The following ADGRL2 variants were observed in gnomAD, a reference collection of about 807,000 sequenced individuals.
The protein encoded by ADGRL2 is calcium-independent alpha-latrotoxin receptor 2.
In ADGRL2, 44 loss-of-function variants were observed where a neutral mutation model predicts 157.4. The observed-to-expected ratio is 0.28, with a 90% CI of 0.22 to 0.36. The LOEUF (loss-of-function observed/expected upper bound fraction) is 0.36. Among genes scored for constraint, ADGRL2 ranks in the 10% least tolerant of loss-of-function variants. The pLI is 1.00. For synonymous variants in ADGRL2, 585 were observed against 624.7 expected (o/e 0.94, Z 0.95); for missense variants, 1,510 against 1,768.9 (o/e 0.85, Z 2.63).
chr1:81,839,116 G>C (rs1389028086), intron 2 of ADGRL2, among the ~76,000 whole-genome samples: 2 of 152,016 alleles, frequency 1.3e-5, no homozygotes, highest in Non-Finnish European at 2.9e-5. Context: ...GGCATAGGAA[G>C]GCAGATATGA....
chr1:81,764,081 A>G (rs2086015084), intron 2 of ADGRL2, among the ~76,000 whole-genome samples: 1 of 143,632 alleles, frequency 7.0e-6, no homozygotes, highest in Non-Finnish European at 1.5e-5. Context: ...AGTCCCAGCT[A>G]CTTAGGAGGC....
intron 2 of ADGRL2, among the ~76,000 whole-genome samples, chr1:81,874,015 A>C (rs2093765813): frequency 6.6e-6 from 1 of 152,138 alleles, no homozygotes. Context: ...TGTAATGTTT[A>C]GGGAGTTTTA....
intron 1 of ADGRL2, among the ~76,000 whole-genome samples, chr1:81,825,738 C>T (rs769479275): frequency 1.4e-5 from 2 of 139,922 alleles, no homozygotes; most frequent in Non-Finnish European, 3.2e-5. Context: ...CTTTTGGAGA[C>T]ATTTTAGAAA....
At chr1:81,883,675 A>G (rs1571899003) in intron 2 of ADGRL2, among the ~76,000 whole-genome samples, 1 of 151,946 alleles carries the variant, frequency 6.6e-6, no homozygotes, top group Non-Finnish European at 1.5e-5. Flanking sequence ...TCGTCTTCCT[A>G]TTATTAGTTC....
At chr1:81,382,195 T>C (rs145736126) in intron 1 of ADGRL2, among the ~76,000 whole-genome samples, 23 of 152,340 alleles carry the variant, frequency 1.5e-4, no homozygotes, top group Middle Eastern at 6.8e-3. Context: ...TGTTGTTCAC[T>C]AACAGTTAGC....
In ADGRL2 at chr1:81,487,108, A is replaced by AAAAT. The variant is rs537612028; in HGVS notation, c.-248+42020_-248+42021insAATA. On this transcript the variant is annotated intron_variant, in intron 2 of 24. Transcript: ENST00000370721. ...CATCTCTACAAAAAAAAAAAAAAAAAAGAAAGTAAATCAGCCAGGTGTGGT... is the reference window on the plus strand; with the variant it reads ...CATCTCTACAAAAAAAAAAAAAAAAAAAATAGAAAGTAAATCAGCCAGGTGTGGT... 8.8e-3 allele frequency among the ~76,000 whole-genome samples: 1,199 copies of AAAAT among 135,488 alleles called. 47 individuals are homozygous for AAAAT. The highest frequency in any genetic ancestry group is 0.025 in the African/African-American group (914 of 36,772). 88.9% of individuals were successfully genotyped at this position (135,488 alleles called of 152,430 possible). A position where few individuals can be genotyped will look rare whatever the true frequency, so the allele number is the denominator to read the frequency against.
chr1:81,857,731 T>G (rs1571715978), intron 2 of ADGRL2, among the ~76,000 whole-genome samples: 2 of 152,230 alleles, frequency 1.3e-5, no homozygotes, highest in African/African-American at 4.8e-5. Flanking sequence ...CACTTCTTAT[T>G]TTAAATTTCT....
At chr1:81,865,077 C>T (rs1364697556) in intron 2 of ADGRL2, among the ~76,000 whole-genome samples, 3 of 152,142 alleles carry the variant, frequency 2.0e-5, no homozygotes. Flanking sequence ...ATTTTGATGT[C>T]TCTGCCCTTT....
intron 2 of ADGRL2, among the ~76,000 whole-genome samples, chr1:81,461,910 A>G (rs2077936614): frequency 7.6e-6 from 1 of 131,772 alleles, no homozygotes; most frequent in Non-Finnish European, 1.6e-5. Context: ...TAGTCTTCCA[A>G]AGAAGGAAGA....
At chr1:81,502,212 C>T (rs977176085) in intron 2 of ADGRL2, 1 of 1,602,008 alleles carries the variant, frequency 6.2e-7, no homozygotes, top group Non-Finnish European at 8.5e-7. Context: ...CTTCCAGCAC[C>T]AGGGCTCCCA....
intron 1 of ADGRL2, among the ~76,000 whole-genome samples, chr1:81,340,372 C>T (rs1661982547): frequency 6.6e-6 from 1 of 152,116 alleles, no homozygotes; most frequent in Non-Finnish European, 1.5e-5. Context: ...AGTCAAAATC[C>T]TTTGCCCAAC....
chr1:81,945,544 G>A (rs1358201200), intron 6 of ADGRL2, among the ~76,000 whole-genome samples: 1 of 152,094 alleles, frequency 6.6e-6, no homozygotes, highest in Non-Finnish European at 1.5e-5. Context: ...TTGCCACAAA[G>A]TACTTCAGCA....
intron 1 of ADGRL2, among the ~76,000 whole-genome samples, chr1:81,835,512 G>C (rs2092230097): frequency 6.6e-6 from 1 of 152,110 alleles, no homozygotes; most frequent in Non-Finnish European, 1.5e-5. Context: ...ATAGTCTATG[G>C]GAGCTCAGAG....
intron 3 of ADGRL2, among the ~76,000 whole-genome samples, chr1:81,609,046 T>TC (rs1292902980): frequency 1.3e-5 from 2 of 151,938 alleles, no homozygotes; most frequent in Non-Finnish European, 2.9e-5. Context: ...AAGTGATTTT[T>TC]TTTTTTTTTT....
At chr1:81,491,513 G>T (rs2078633433) in intron 2 of ADGRL2, among the ~76,000 whole-genome samples, 1 of 152,054 alleles carries the variant, frequency 6.6e-6, no homozygotes, top group Admixed American at 6.6e-5. Flanking sequence ...TCTAGAATAT[G>T]AAGCAAATGT....
At chr1:81,782,630 A>G (rs964868694) in intron 2 of ADGRL2, among the ~76,000 whole-genome samples, 11 of 152,116 alleles carry the variant, frequency 7.2e-5, no homozygotes, top group African/African-American at 2.7e-4. Context: ...GGAAAGGGAG[A>G]CCACTCTATC....
intron 3 of ADGRL2, among the ~76,000 whole-genome samples, chr1:81,667,433 T>C (rs1352044966): frequency 1.3e-5 from 2 of 152,224 alleles, no homozygotes; most frequent in African/African-American, 4.8e-5. Context: ...TGATCTTCTA[T>C]AGAAGGAGGC....
At chr1:81,497,367 A>G (rs923352632) in intron 2 of ADGRL2, among the ~76,000 whole-genome samples, 2 of 152,280 alleles carry the variant, frequency 1.3e-5, no homozygotes, top group South Asian at 4.1e-4. Context: ...TATGAAGACT[A>G]ATAATTACAA....
At chr1:81,796,122 A>G (rs961993110), upstream of ADGRL2, among the ~76,000 whole-genome samples, 10 of 151,924 alleles carry the variant, frequency 6.6e-5, no homozygotes, top group South Asian at 2.1e-4. Flanking sequence ...TCCCGAGTAG[A>G]TGGGATTATA....
Sources: allele counts gnomAD v4.1 joint callset (sites outside exome capture counted in the v4.1 genomes callset), GRCh38; gene constraint gnomAD v4.1.1; transcripts MANE v1.5; gene names NCBI Gene and HGNC (gene_info 2026-07-23, HGNC 2026-07-21).